The following EPB41L4A variants were observed in gnomAD, a reference collection of about 807,000 sequenced individuals.
EPB41L4A encodes erythrocyte membrane protein band 4.1 like 4A.
Under a neutral mutation model 108.6 loss-of-function variants are expected in EPB41L4A, and 100 were observed. The ratio of observed to expected loss-of-function variants is 0.92; its 90% confidence interval spans 0.78 to 1.09. The LOEUF is 1.09. Ranked by LOEUF, EPB41L4A falls within the 50% of genes least tolerant of loss-of-function variation. EPB41L4A has a pLI of 0.00. For synonymous variants in EPB41L4A, 319 were observed against 289.0 expected (o/e 1.10, Z -1.05); for missense variants, 1,030 against 842.7 (o/e 1.22, Z -2.75).
chr5:112,273,588 G>A (rs1036170232), intron 4 of EPB41L4A, among the ~76,000 whole-genome samples: 5 of 152,026 alleles, frequency 3.3e-5, no homozygotes, highest in Admixed American at 6.6e-5. Context: ...TACGAGACAC[G>A]GACAATCATA....
intron 1 of EPB41L4A, among the ~76,000 whole-genome samples, chr5:112,388,244 C>A (rs1760691219): frequency 6.6e-6 from 1 of 152,148 alleles, no homozygotes; most frequent in East Asian, 1.9e-4. Flanking sequence ...GTTAAGGTCA[C>A]AGTTTAAAAG....
intron 1 of EPB41L4A, among the ~76,000 whole-genome samples, chr5:112,404,732 C>T (rs1019781956): frequency 6.6e-6 from 1 of 152,226 alleles, no homozygotes; most frequent in South Asian, 2.1e-4. Flanking sequence ...ATTTAAGTTC[C>T]GGATGGTTAG....
intron 2 of EPB41L4A, among the ~76,000 whole-genome samples, chr5:112,299,940 T>TA (rs1754244368): frequency 6.6e-6 from 1 of 152,214 alleles, no homozygotes; most frequent in Admixed American, 6.6e-5. Context: ...TAACTACTCT[T>TA]AAAGTTTGTT....
At chr5:112,370,311 A>G (rs1759407311) in intron 1 of EPB41L4A, among the ~76,000 whole-genome samples, 1 of 151,658 alleles carries the variant, frequency 6.6e-6, no homozygotes. Flanking sequence ...TGTTGGGATT[A>G]CAGGTGTGAG....
At chr5:112,387,597 C>G (rs1760650806) in intron 1 of EPB41L4A, among the ~76,000 whole-genome samples, 1 of 152,184 alleles carries the variant, frequency 6.6e-6, no homozygotes, top group South Asian at 2.1e-4. Flanking sequence ...CCACTGCACT[C>G]CAGCCTGGGA....
intron 1 of EPB41L4A, among the ~76,000 whole-genome samples, chr5:112,359,187 T>C (rs1364982354): frequency 6.6e-6 from 1 of 152,200 alleles, no homozygotes; most frequent in Non-Finnish European, 1.5e-5. Flanking sequence ...TCTACTTCAA[T>C]AAAACTGTTC....
intron 17 of EPB41L4A, among the ~76,000 whole-genome samples, chr5:112,188,052 C>A (rs1302097852): frequency 7.9e-5 from 12 of 152,216 alleles, no homozygotes; most frequent in Non-Finnish European, 1.6e-4. Flanking sequence ...CAGACAGACA[C>A]ACTGAAAGAA....
At chr5:112,347,854 A>C (rs1396063237) in intron 1 of EPB41L4A, among the ~76,000 whole-genome samples, 3 of 152,174 alleles carry the variant, frequency 2.0e-5, no homozygotes, top group Non-Finnish European at 4.4e-5. Flanking sequence ...CTACCCAGCC[A>C]CAGGGGCCCT....
intron 4 of EPB41L4A, among the ~76,000 whole-genome samples, chr5:112,268,937 C>CAAAAGG (rs1752065318): frequency 7.1e-6 from 1 of 139,866 alleles, no homozygotes; most frequent in Admixed American, 7.2e-5. Context: ...GATTCAAAGA[C>CAAAAGG]AAAAGGAAAG....
intron 11 of EPB41L4A, among the ~76,000 whole-genome samples, chr5:112,239,012 G>A (rs1749573487): frequency 6.6e-6 from 1 of 152,172 alleles, no homozygotes; most frequent in Non-Finnish European, 1.5e-5. Context: ...TGCAGCTAGA[G>A]CGCCAGGGGA....
chr5:112,165,255 T>G (rs911400529), intron 22 of EPB41L4A, 137 bp from the exon 23 acceptor site: 3 of 656,218 alleles, frequency 4.6e-6, no homozygotes, highest in Non-Finnish European at 7.7e-6. Context: ...CCAAAAGCTA[T>G]TCAATAAATG....
rs373105550 is a variant in EPB41L4A at position 112,243,690 on chromosome 5, T to C, written c.796-2880A>G. ...AATCAGTACTTGCTGCTTCACCTTGTACTTTTTATGTTATCGAGATGGCTA... is the reference window on the plus strand; with the variant it reads ...AATCAGTACTTGCTGCTTCACCTTGCACTTTTTATGTTATCGAGATGGCTA... On this transcript the variant is annotated intron_variant, in intron 9 of 22. Coordinates refer to ENST00000261486, the MANE Select transcript of EPB41L4A (RefSeq NM_022140.5). Among the ~76,000 whole-genome samples the C allele has an allele frequency of 1.2e-4, 18 of 152,358 alleles. No individual in the cohort carries two copies. In the East Asian group the frequency reaches 1.7e-3, roughly 15 times the overall value.
At chr5:112,154,398 T>C (rs1473423945) in intron 12 of EPB41L4A, among the ~76,000 whole-genome samples, 1 of 152,236 alleles carries the variant, frequency 6.6e-6, no homozygotes, top group Non-Finnish European at 1.5e-5. Flanking sequence ...GCACTGTAAT[T>C]CTTGTGTAAG....
chr5:112,266,986 G>T (rs935408025), intron 4 of EPB41L4A, among the ~76,000 whole-genome samples: 3 of 152,108 alleles, frequency 2.0e-5, no homozygotes, highest in Non-Finnish European at 4.4e-5. Flanking sequence ...TAGACTCAGG[G>T]GTGAAATAAC....
At chr5:112,339,503 T>TAG (rs1477979933) in intron 1 of EPB41L4A, among the ~76,000 whole-genome samples, 138 of 44,550 alleles carry the variant, frequency 3.1e-3, no homozygotes, top group Middle Eastern at 0.022. Flanking sequence ...TATCTATATA[T>TAG]ATATATAGAT....
chr5:112,143,786 C>T (rs931219350), exon 14 of EPB41L4A: 8 of 444,268 alleles, frequency 1.8e-5, no homozygotes, highest in African/African-American at 1.6e-4. Flanking sequence ...CGTGTTAATA[C>T]CTGAACCAAC....
intron 12 of EPB41L4A, among the ~76,000 whole-genome samples, chr5:112,216,001 T>A (rs1044843577): frequency 1.2e-4 from 18 of 152,022 alleles, no homozygotes; most frequent in African/African-American, 3.9e-4. Flanking sequence ...AGCTCCAGGG[T>A]TTCATTTGTT....
At chr5:112,356,212 T>C (rs938360297) in intron 1 of EPB41L4A, among the ~76,000 whole-genome samples, 2 of 152,188 alleles carry the variant, frequency 1.3e-5, no homozygotes, top group African/African-American at 4.8e-5. Context: ...TTACAACAGA[T>C]AGGAATGACC....
chr5:112,228,273 G>C (rs936097132), intron 12 of EPB41L4A: 1 of 152,176 alleles, frequency 6.6e-6, no homozygotes, highest in African/African-American at 2.4e-5. Context: ...TCCAGATTTT[G>C]TACTTCTCTT....
Sources: allele counts gnomAD v4.1 joint callset (sites outside exome capture counted in the v4.1 genomes callset), GRCh38; gene constraint gnomAD v4.1.1; transcripts MANE v1.5; gene names NCBI Gene and HGNC (gene_info 2026-07-23, HGNC 2026-07-21).